The following MYO1B variants were observed in gnomAD, a reference collection of about 807,000 sequenced individuals.
MYO1B encodes the protein unconventional myosin-Ib.
Under a neutral mutation model 159.7 loss-of-function variants are expected in MYO1B, and 72 were observed. That is an observed-to-expected ratio of 0.45 (90% CI 0.37 to 0.55). The LOEUF (loss-of-function observed/expected upper bound fraction) is 0.55, where lower values mean the gene tolerates loss of function less well. Among genes scored for constraint, MYO1B ranks in the 20% least tolerant of loss-of-function variants. The probability of loss-of-function intolerance (pLI) is 0.00; values close to 1 mark genes in which losing one functional copy is unlikely to be tolerated. For synonymous variants in MYO1B, 468 were observed against 473.8 expected, an observed-to-expected ratio of 0.99 and a Z score of 0.16; for missense variants, 1,062 against 1,364.8, an observed-to-expected ratio of 0.78 and a Z score of 3.50.
chr2:191,403,129 A>G (rs766605006), intron 24 of MYO1B, among the ~76,000 whole-genome samples: 1 of 152,196 alleles, frequency 6.6e-6, no homozygotes, highest in Non-Finnish European at 1.5e-5. Context: ...ATTCTGCTCC[A>G]ATAATGGCTG....
chr2:191,422,120 C>CA (rs1491144347), intron 30 of MYO1B, among the ~76,000 whole-genome samples: 1 of 152,176 alleles, frequency 6.6e-6, no homozygotes, highest in Non-Finnish European at 1.5e-5. Flanking sequence ...TGTGGATCCT[C>CA]ACATCGCTGG....
At chr2:191,419,745 AAT>A (rs1697822747) in intron 30 of MYO1B, among the ~76,000 whole-genome samples, 1 of 152,200 alleles carries the variant, frequency 6.6e-6, no homozygotes, top group Non-Finnish European at 1.5e-5. Flanking sequence ...GGCCTAGGCT[AAT>A]ATGTTTGTAT....
chr2:191,370,131 A>G, intron 12 of MYO1B, 96 bp from the exon 13 acceptor site: 1 of 794,260 alleles, frequency 1.3e-6, no homozygotes, highest in South Asian at 1.9e-5. Flanking sequence ...TACTTAAGAA[A>G]CATAATTAAT....
intron 1 of MYO1B, chr2:191,263,301 C>T (rs1330340694): frequency 1.0e-6 from 1 of 984,714 alleles, no homozygotes; most frequent in Non-Finnish European, 1.2e-6. Context: ...CTCCCTGTCA[C>T]AACGAATGTT....
At chr2:191,282,297 C>G (rs1688107593) in intron 2 of MYO1B, among the ~76,000 whole-genome samples, 1 of 152,184 alleles carries the variant, frequency 6.6e-6, no homozygotes, top group Non-Finnish European at 1.5e-5. Flanking sequence ...GCTGAGTCCT[C>G]TATTCAGGAT....
chr2:191,299,830 T>G (rs1689201842), intron 3 of MYO1B, among the ~76,000 whole-genome samples: 1 of 152,226 alleles, frequency 6.6e-6, no homozygotes, highest in South Asian at 2.1e-4. Flanking sequence ...GGGATTTTTG[T>G]GAGGGCCAAA....
At chr2:191,393,566 C>T (rs1211673842) in intron 20 of MYO1B, among the ~76,000 whole-genome samples, 7 of 152,088 alleles carry the variant, frequency 4.6e-5, no homozygotes, top group African/African-American at 1.7e-4. Context: ...GAGACAATAT[C>T]CTTTAAGCTT....
At chr2:191,423,368 C>T (rs866833202) in intron 30 of MYO1B, among the ~76,000 whole-genome samples, 1 of 152,052 alleles carries the variant, frequency 6.6e-6, no homozygotes, top group Non-Finnish European at 1.5e-5. Flanking sequence ...AAAAATGGTA[C>T]GACTGTATAG....
At chr2:191,396,589 C>A in intron 21 of MYO1B, 92 bp downstream of exon 21, 1 of 1,106,882 alleles carries the variant, frequency 9.0e-7, no homozygotes, top group Non-Finnish European at 1.3e-6. Context: ...AGAGGAGGGG[C>A]TCCTCTGTCT....
At chr2:191,360,566 A>T (rs766059809) in intron 7 of MYO1B, 65 bp from the exon 8 acceptor site, 4 of 991,062 alleles carry the variant, frequency 4.0e-6, no homozygotes, top group Non-Finnish European at 6.1e-6. Context: ...AGTGAGAAGG[A>T]AAAAAAGCAT....
chr2:191,413,909 A>C (rs942603090), intron 27 of MYO1B, 139 bp from the exon 28 acceptor site: 1 of 789,174 alleles, frequency 1.3e-6, no homozygotes, highest in Non-Finnish European at 1.9e-6. Context: ...GACAGATGTA[A>C]GTGTAATATA....
intron 30 of MYO1B, among the ~76,000 whole-genome samples, chr2:191,420,597 A>C (rs1476361856): frequency 6.6e-6 from 1 of 152,246 alleles, no homozygotes; most frequent in Non-Finnish European, 1.5e-5. Context: ...CACAATGACA[A>C]AATCACCTAG....
At chr2:191,364,049 A>G in intron 10 of MYO1B, 109 bp from the exon 11 acceptor site, 1 of 1,206,124 alleles carries the variant, frequency 8.3e-7, no homozygotes, top group Non-Finnish European at 1.2e-6. Context: ...TATACATTTT[A>G]TACTGATCTG....
At chr2:191,300,486 G>C (rs1280622389) in intron 3 of MYO1B, among the ~76,000 whole-genome samples, 1 of 151,748 alleles carries the variant, frequency 6.6e-6, no homozygotes, top group African/African-American at 2.4e-5. Context: ...TGGGACTACA[G>C]GTGCCCGCCA....
chr2:191,351,506 T>C lies in MYO1B; in HGVS notation c.562+1281T>C, dbSNP rs559849364. On this transcript the variant is annotated intron_variant, in intron 7 of 30. Coordinates refer to ENST00000392318, the MANE Select transcript of MYO1B (RefSeq NM_001130158.3). Reference sequence around the variant, plus strand: ...GATTCAGAGAGTAACCATCTAGGGCTAGAGGTTTCTCATCTTTAAAATGAT... The same window carrying C: ...GATTCAGAGAGTAACCATCTAGGGCCAGAGGTTTCTCATCTTTAAAATGAT... 1.4e-4 allele frequency among the ~76,000 whole-genome samples: 22 copies of C among 152,368 alleles called. No individual in the cohort carries two copies. The South Asian group carries it at 4.3e-3, about 30-fold the overall frequency.
chr2:191,377,379 G>A (rs1694776198), intron 13 of MYO1B: 1 of 152,202 alleles, frequency 6.6e-6, no homozygotes, highest in African/African-American at 2.4e-5. Flanking sequence ...CTTGGAGCAT[G>A]GGTGGAAAAC....
chr2:191,414,498 AT>A lies in MYO1B; in HGVS notation c.3007-13del. 6.3e-7 allele frequency: 1 copy of A among 1,588,066 alleles called. No homozygotes were observed. Among genetic ancestry groups the A allele is most frequent in the Non-Finnish European group, 8.6e-7 (1 of 1,168,590 alleles). The stretch of plus-strand genomic sequence containing the variant: ...TATTTGTGATCATTGGTTTTATACT[AT>A]TTTTTATTTTGATTTAGAGTACATC... On this transcript the variant is annotated intron_variant, in intron 28 of 30. Transcript: ENST00000392318.
In MYO1B at chr2:191,411,137, A is replaced by T. The variant is rs1697228282; in HGVS notation, c.2838A>T (p.Glu946Asp). The T allele has an allele frequency of 4.3e-6, 7 of 1,611,598 alleles. No individual in the cohort carries two copies. Among genetic ancestry groups the T allele is most frequent in the Non-Finnish European group, 5.9e-6 (7 of 1,179,028 alleles). The change falls in exon 27 of 31, where the codon GAA (glutamate) becomes GAT (aspartate). Residue 946 changes from glutamate (E) to aspartate (D), a missense_variant. Coordinates refer to ENST00000392318, the MANE Select transcript of MYO1B (RefSeq NM_001130158.3). Reference protein sequence around the residue: ...LIYEEKLEASELFKDKKALYP... With the variant: ...LIYEEKLEASDLFKDKKALYP... ...ATGAAGAGAAACTAGAAGCCAGTGA[A>T]CTCTTCAAAGACAAGAAGGCTTTAT... is the stretch of plus-strand genomic sequence containing the variant.
intron 21 of MYO1B, among the ~76,000 whole-genome samples, chr2:191,397,616 TC>T (rs1696206321): frequency 6.7e-6 from 1 of 148,474 alleles, no homozygotes; most frequent in African/African-American, 2.5e-5. Flanking sequence ...CCGGCAACCA[TC>T]CGATTTCTCA....
Sources: gnomAD v4.1 joint callset for allele counts (sites outside exome capture counted in the v4.1 genomes callset) on GRCh38, gnomAD v4.1.1 for gene constraint, MANE v1.5 for transcripts, NCBI Gene and HGNC (gene_info 2026-07-23, HGNC 2026-07-21) for gene names.